Variants in DNAJB13 observed in about 807,000 individuals in gnomAD.
DNAJB13 encodes dnaJ homolog subfamily B member 13.
Under a neutral mutation model 35.6 loss-of-function variants are expected in DNAJB13, and 22 were observed. That is an observed-to-expected ratio of 0.62 (90% CI 0.44 to 0.88). The LOEUF (loss-of-function observed/expected upper bound fraction) is 0.88. DNAJB13 is among the 40% of genes least tolerant of loss of function. The probability of loss-of-function intolerance (pLI) is 0.00; values close to 1 mark genes in which losing one functional copy is unlikely to be tolerated. For missense variants in DNAJB13, 370 were observed against 384.3 expected, an observed-to-expected ratio of 0.96 and a Z score of 0.31; for synonymous variants, 136 against 144.2, an observed-to-expected ratio of 0.94 and a Z score of 0.41.
At chr11:73,961,391 C>G (rs1007841027) in intron 3 of DNAJB13, among the ~76,000 whole-genome samples, 1 of 152,188 alleles carries the variant, frequency 6.6e-6, no homozygotes, top group African/African-American at 2.4e-5. Flanking sequence ...AACTGGCCCA[C>G]AAGGAGAGCT....
chr11:73,968,323 C>G, intron 5 of DNAJB13, 22 bp from the exon 6 acceptor site: 1 of 1,611,554 alleles, frequency 6.2e-7, no homozygotes, highest in Non-Finnish European at 8.5e-7. Context: ...GTCCTTGTCA[C>G]CTTTTGGCGT....
intron 5 of DNAJB13, 37 bp downstream of exon 5, chr11:73,966,288 A>G: frequency 1.3e-6 from 2 of 1,581,184 alleles, no homozygotes; most frequent in Non-Finnish European, 8.6e-7. Context: ...TCAGTCACTG[A>G]GCTCAGGCGG....
At position 73,959,577 on chromosome 11, in the gene DNAJB13, T is replaced by C. The variant is rs775701724; in HGVS notation, c.256T>C (p.Trp86Arg). ...IPLEFGSQTP[W>R]TTGYVFHGKP... ...TTTGGAGTTTGGATCCCAGACCCCATGGACAACTGGTTACGTCTTCCATGG... is the reference window on the plus strand; with the variant it reads ...TTTGGAGTTTGGATCCCAGACCCCACGGACAACTGGTTACGTCTTCCATGG... The change falls in exon 3 of 8, where the codon TGG becomes CGG. Residue 86 changes from tryptophan (W) to arginine (R), a missense_variant. Transcript: ENST00000339764. The C allele has an allele frequency of 1.9e-6, 3 of 1,614,178 alleles. No individual in the cohort carries two copies. The South Asian group carries it at 3.3e-5, about 18-fold the overall frequency.
At chr11:73,959,274 G>T (rs1471400677) in intron 2 of DNAJB13, among the ~76,000 whole-genome samples, 1 of 152,092 alleles carries the variant, frequency 6.6e-6, no homozygotes, top group Non-Finnish European at 1.5e-5. Context: ...AGGCTTTCCC[G>T]TCTCTCTTCT....
chr11:73,969,408 AGTT>A (rs1466204326), intron 7 of DNAJB13, 86 bp downstream of exon 7: 1 of 804,274 alleles, frequency 1.2e-6, no homozygotes, highest in Non-Finnish European at 2.2e-6. Flanking sequence ...TGCCCAGTAG[AGTT>A]GTACAGGCTG....
At chr11:73,959,936 T>A (rs1950882785) in intron 3 of DNAJB13, 1 of 182,556 alleles carries the variant, frequency 5.5e-6, no homozygotes, top group Non-Finnish European at 1.1e-5. Flanking sequence ...TTAATTTTTT[T>A]ATATTTTTAG....
chr11:73,954,081 T>C (rs1378197702), intron 1 of DNAJB13, among the ~76,000 whole-genome samples: 1 of 150,672 alleles, frequency 6.6e-6, no homozygotes, highest in East Asian at 1.9e-4. Flanking sequence ...TCCTAGCACT[T>C]TGGGAGGCTG....
Position 73,958,260 on chromosome 11 carries a change from G to A in DNAJB13, c.69-57G>A, listed in dbSNP as rs934015197. On this transcript the variant is annotated intron_variant, in intron 1 of 7. Coordinates refer to ENST00000339764, the MANE Select transcript of DNAJB13 (RefSeq NM_153614.4). ...AACAGAGTGCCGGCTCTGAACTCTGGTCCGCCCTCAGAAACAGACCAGCTG... is the reference window on the plus strand; with the variant it reads ...AACAGAGTGCCGGCTCTGAACTCTGATCCGCCCTCAGAAACAGACCAGCTG... 232 of 1,569,626 alleles carry A rather than the reference G, an allele frequency of 1.5e-4. No homozygotes were observed. In the Admixed American group the frequency reaches 3.9e-3, roughly 26 times the overall value.
Position 73,966,916 on chromosome 11 carries a change from G to A in DNAJB13, c.606+665G>A, listed in dbSNP as rs973632757. 6.6e-4 allele frequency among the ~76,000 whole-genome samples: 99 copies of A among 148,962 alleles called. 1 individual carries two copies. Among genetic ancestry groups the A allele is most frequent in the Non-Finnish European group, 7.7e-4 (52 of 67,596 alleles). On this transcript the variant is annotated intron_variant, in intron 5 of 7. Coordinates refer to ENST00000339764, the MANE Select transcript of DNAJB13 (RefSeq NM_153614.4). Reference sequence around the variant, plus strand: ...TACCCAGGCTGGAAGGCAGTGGTGCGATCTCAGCTCACTGCAAACTCCGCC... The same window carrying A: ...TACCCAGGCTGGAAGGCAGTGGTGCAATCTCAGCTCACTGCAAACTCCGCC...
chr11:73,960,613 T>G (rs137880645), intron 3 of DNAJB13, among the ~76,000 whole-genome samples: 128 of 152,112 alleles, frequency 8.4e-4, no homozygotes, highest in Middle Eastern at 3.4e-3. Flanking sequence ...TGAGCCACCG[T>G]GTCTGGCCGA....
intron 2 of DNAJB13, among the ~76,000 whole-genome samples, chr11:73,958,927 C>T (rs1258314075): frequency 2.0e-5 from 3 of 152,158 alleles, no homozygotes; most frequent in African/African-American, 7.2e-5. Flanking sequence ...GTGTGATCCC[C>T]GCCCCGGCAC....
In DNAJB13 at chr11:73,970,025, G is replaced by A. The variant is rs1420506884; in HGVS notation, c.862G>A (p.Gly288Arg). 1 of 1,611,870 alleles carries A rather than the reference G, an allele frequency of 6.2e-7. No homozygotes were observed. The highest frequency in any genetic ancestry group is 1.1e-5 in the South Asian group (1 of 90,374). The change falls in exon 8 of 8, where the codon GGG (glycine) becomes AGG (arginine). Residue 288 changes from glycine (G) to arginine (R), a missense_variant. Transcript: ENST00000339764. ...MPLPEDPTKK[G>R]DLFIFFDIQF... Reference sequence around the variant, plus strand: ...ATTGCCGGAGGACCCCACTAAGAAAGGGGATCTCTTCATCTTCTTCGACAT... The same window carrying A: ...ATTGCCGGAGGACCCCACTAAGAAAAGGGATCTCTTCATCTTCTTCGACAT...
At position 73,958,288 on chromosome 11, in the gene DNAJB13, A is replaced by AC. The variant is rs747404191; in HGVS notation, c.69-29_69-28insC. On this transcript the variant is annotated intron_variant, in intron 1 of 7. Transcript: ENST00000339764. ...CGCCCTCAGAAACAGACCAGCTGAT[A>AC]AGACTTGTATTAATTCTCCCTCTTC... is the stretch of plus-strand genomic sequence containing the variant. The AC allele has an allele frequency of 4.3e-6, 7 of 1,610,116 alleles. No individual in the cohort carries two copies. In the East Asian group the frequency reaches 1.6e-4, roughly 36 times the overall value.
At chr11:73,958,054 A>G (rs1383475015) in intron 1 of DNAJB13, among the ~76,000 whole-genome samples, 9 of 152,066 alleles carry the variant, frequency 5.9e-5, no homozygotes, top group African/African-American at 2.2e-4. Flanking sequence ...TCCCCACCAC[A>G]CGTAAGCATT....
intron 2 of DNAJB13, 57 bp downstream of exon 2, chr11:73,958,477 A>G (rs1950825056): frequency 6.8e-7 from 1 of 1,465,292 alleles, no homozygotes; most frequent in African/African-American, 1.4e-5. Context: ...TTAAGTCTCT[A>G]GACTGTTGGG....
intron 1 of DNAJB13, 75 bp from the exon 2 acceptor site, chr11:73,958,242 T>C: frequency 6.8e-7 from 1 of 1,466,542 alleles, no homozygotes; most frequent in Admixed American, 1.7e-5. Flanking sequence ...GTGAACAGAG[T>C]GCCGGCTCTG....
chr11:73,968,148 G>T, intron 5 of DNAJB13, 197 bp from the exon 6 acceptor site: 2 of 605,020 alleles, frequency 3.3e-6, no homozygotes, highest in Admixed American at 2.9e-5. Flanking sequence ...AGTAATTCTG[G>T]GGGGATTCAT....
intron 5 of DNAJB13, chr11:73,968,086 C>A (rs772777461): frequency 4.3e-5 from 21 of 493,368 alleles, no homozygotes; most frequent in Non-Finnish European, 6.1e-5. Context: ...TCTGAGGAAG[C>A]CTCTCCGCCC....
At chr11:73,963,353 A>C (rs1403764944) in intron 3 of DNAJB13, among the ~76,000 whole-genome samples, 1 of 151,758 alleles carries the variant, frequency 6.6e-6, no homozygotes, top group Admixed American at 6.6e-5. Context: ...CTCAAAAAAA[A>C]AAAAGAAAAA....
Sources: gnomAD v4.1 joint callset for allele counts (sites outside exome capture counted in the v4.1 genomes callset) on GRCh38, gnomAD v4.1.1 for gene constraint, MANE v1.5 for transcripts, NCBI Gene and HGNC (gene_info 2026-07-23, HGNC 2026-07-21) for gene names.